NCKIPSD: variants seen among roughly 807,000 people sequenced by gnomAD.
The protein encoded by NCKIPSD is NCK-interacting protein with SH3 domain.
In NCKIPSD, 48 loss-of-function variants were observed where a neutral mutation model predicts 73.4. The ratio of observed to expected loss-of-function variants is 0.65; its 90% CI spans 0.52 to 0.83. NCKIPSD has a LOEUF of 0.83. NCKIPSD is among the 40% of genes least tolerant of loss of function. The pLI, the probability that NCKIPSD is intolerant of heterozygous loss-of-function variation, is 0.00. For synonymous variants in NCKIPSD, 422 were observed against 403.6 expected (o/e 1.05, Z -0.54); for missense variants, 884 against 970.2 (o/e 0.91, Z 1.18).
chr3:48,678,952 T>C lies in NCKIPSD; in HGVS notation c.1717A>G (p.Ile573Val). 1 of 1,614,028 alleles carries C rather than the reference T, an allele frequency of 6.2e-7. No individual in the cohort carries two copies. Among genetic ancestry groups the C allele is most frequent in the South Asian group, 1.1e-5 (1 of 91,072 alleles). Reference sequence around the variant, plus strand: ...GCGTGTTTGCTCAGGGCAGCCATGATGACATTCTGGTCAGCAGCTAAGGAA... The same window carrying C: ...GCGTGTTTGCTCAGGGCAGCCATGACGACATTCTGGTCAGCAGCTAAGGAA... The part of the protein sequence containing the change: ...LHLPAADQNV[I>V]MAALSKHANV... Residue 573 changes from isoleucine (I) to valine (V), a missense_variant, in exon 11 of 13, where the codon ATC becomes GTC. Physicochemically the swap from Ile to Val is conservative, Grantham distance 29 (BLOSUM62 3). Transcript: ENST00000294129.
chr3:48,683,781 C>T (rs1448374626), intron 1 of NCKIPSD, among the ~76,000 whole-genome samples: 1 of 152,060 alleles, frequency 6.6e-6, no homozygotes, highest in Non-Finnish European at 1.5e-5. Context: ...TACCCCCAGC[C>T]CTCCCCTGGC....
At chr3:48,676,712 T>C (rs921862017) in intron 12 of NCKIPSD, among the ~76,000 whole-genome samples, 26 of 152,118 alleles carry the variant, frequency 1.7e-4, no homozygotes, top group Non-Finnish European at 2.6e-4. Context: ...AGGCTGATCT[T>C]GAACTCATGG....
chr3:48,678,798 G>C, intron 11 of NCKIPSD, 62 bp from the exon 12 acceptor site: 1 of 1,612,468 alleles, frequency 6.2e-7, no homozygotes, highest in South Asian at 1.1e-5. Flanking sequence ...GTCACCCCAG[G>C]GGGTTACGGG....
intron 1 of NCKIPSD, among the ~76,000 whole-genome samples, chr3:48,685,328 T>A (rs2077420465): frequency 6.6e-6 from 1 of 151,768 alleles, no homozygotes; most frequent in Non-Finnish European, 1.5e-5. Context: ...GGGCTCAGGG[T>A]CGCCATTCAG....
At position 48,683,153 on chromosome 3, in the gene NCKIPSD, C is replaced by G. The variant is rs978915310; in HGVS notation, c.172-141G>C. The G allele has an allele frequency of 1.5e-5, 22 of 1,450,140 alleles. No individual in the cohort carries two copies. In the Admixed American group the frequency reaches 4.2e-4, roughly 28 times the overall value. The allele number at this position is 1,450,140 out of a possible 1,614,324, so 89.8% of individuals were successfully genotyped here. On this transcript the variant is annotated intron_variant, in intron 1 of 12. Coordinates refer to ENST00000294129, the MANE Select transcript of NCKIPSD (RefSeq NM_016453.4). ...CTAGACATAGCACAAAAAGTTGAAC[C>G]AGAATATGGAATGGGGTTCTCAAAC...
At chr3:48,683,991 C>G (rs2077395990) in intron 1 of NCKIPSD, among the ~76,000 whole-genome samples, 1 of 146,926 alleles carries the variant, frequency 6.8e-6, no homozygotes, top group Non-Finnish European at 1.5e-5. Context: ...CACACACACA[C>G]ACACACACAC....
At position 48,678,908 on chromosome 3, in the gene NCKIPSD, G is replaced by C. The variant is rs751859455; in HGVS notation, c.1761C>G (p.Ser587=). 5 of 1,613,850 alleles carry C rather than the reference G, an allele frequency of 3.1e-6. No homozygotes were observed. Among genetic ancestry groups the C allele is most frequent in the Non-Finnish European group, 4.2e-6 (5 of 1,180,010 alleles). The change falls in exon 11 of 13, where the codon TCC becomes TCG. Residue 587 remains serine (S), a synonymous_variant. Coordinates refer to ENST00000294129, the MANE Select transcript of NCKIPSD (RefSeq NM_016453.4). ...LSKHANVKIF[S]EKLLLLLNRG... is the part of the protein sequence containing the mutation. ...TGTTCAGGAGCAACAACAGCTTCTC[G>C]GAGAAGATCTTGACATTGGCGTGTT... is the stretch of plus-strand genomic sequence containing the variant.
chr3:48,679,185 T>C lies in NCKIPSD; in HGVS notation c.1571-2A>G. 6.2e-7 allele frequency: 1 copy of C among 1,613,930 alleles called. No individual in the cohort carries two copies. Among genetic ancestry groups the C allele is most frequent in the Non-Finnish European group, 8.5e-7 (1 of 1,179,938 alleles). On this transcript the variant is annotated splice_acceptor_variant, in intron 9 of 12. Coordinates refer to ENST00000294129, the MANE Select transcript of NCKIPSD (RefSeq NM_016453.4). LOFTEE classifies it high-confidence loss of function. ...GGGCGAAAGGCGTGCCCAGGTGCTC[T>C]GGGAGAGGGGCGCACAGAAGTCTGC... is the stretch of plus-strand genomic sequence containing the variant.
chr3:48,675,779 C>G (rs1432483947), intron 12 of NCKIPSD, among the ~76,000 whole-genome samples: 1 of 151,896 alleles, frequency 6.6e-6, no homozygotes, highest in Non-Finnish European at 1.5e-5. Flanking sequence ...CTCCAGACTT[C>G]AAGTGATCCA....
At position 48,682,455 on chromosome 3, in the gene NCKIPSD, C is replaced by G; in HGVS notation, c.379G>C (p.Asp127His). The change falls in exon 3 of 13, where the codon GAT becomes CAT. Residue 127 changes from aspartate (D) to histidine (H), a missense_variant. Physicochemically the swap from Asp to His is moderately conservative, Grantham distance 81 (BLOSUM62 -1). Coordinates refer to ENST00000294129, the MANE Select transcript of NCKIPSD (RefSeq NM_016453.4). ...TTGGGCTGCCTGGCTGCAGCAGCAT[C>G]CAAGTGGTGGTCACTGGTTGATGAG... is the stretch of plus-strand genomic sequence containing the variant. ...MTSSTSDHHLDAAAARQPNGV... is the reference protein window; with the variant it reads ...MTSSTSDHHLHAAAARQPNGV... The G allele has an allele frequency of 6.2e-7, 1 of 1,614,164 alleles. No homozygotes were observed. The highest frequency in any genetic ancestry group is 8.5e-7 in the Non-Finnish European group (1 of 1,180,014).
intron 8 of NCKIPSD, 37 bp from the exon 9 acceptor site, chr3:48,679,494 G>C (rs767997697): frequency 1.2e-6 from 2 of 1,606,758 alleles, no homozygotes; most frequent in Non-Finnish European, 1.7e-6. Context: ...AGTCCCCAAA[G>C]ATGGCAGGAA....
At chr3:48,681,943 C>T in intron 4 of NCKIPSD, 102 bp downstream of exon 4, 1 of 1,489,164 alleles carries the variant, frequency 6.7e-7, no homozygotes, top group South Asian at 1.2e-5. Flanking sequence ...GGAGTCCTGT[C>T]CTCTTCCCCA....
intron 9 of NCKIPSD, 96 bp downstream of exon 9, chr3:48,679,281 T>C (rs2077307575): frequency 6.2e-7 from 1 of 1,608,200 alleles, no homozygotes; most frequent in Non-Finnish European, 8.5e-7. Flanking sequence ...GGATAGCCTC[T>C]CCCTGCTAGG....
chr3:48,682,772 G>A, intron 2 of NCKIPSD, 131 bp downstream of exon 2: 1 of 1,347,824 alleles, frequency 7.4e-7, no homozygotes, highest in Admixed American at 2.1e-5. Flanking sequence ...TGCTCACTGG[G>A]AGGTGCCATT....
chr3:48,675,508 TC>T (rs1575559950), intron 12 of NCKIPSD, among the ~76,000 whole-genome samples: 3 of 110,192 alleles, frequency 2.7e-5, no homozygotes, highest in South Asian at 5.5e-4. Context: ...TATATATATA[TC>T]ATATATATAT....
intron 1 of NCKIPSD, among the ~76,000 whole-genome samples, 192 bp downstream of exon 1, chr3:48,685,445 G>GGTCTTTT (rs1405986424): frequency 6.6e-6 from 1 of 152,076 alleles, no homozygotes; most frequent in Admixed American, 6.5e-5. Flanking sequence ...GTCTTTTGTG[G>GGTCTTTT]GTGATGCTGA....
Position 48,680,089 on chromosome 3 carries a change from G to A in NCKIPSD, c.1233C>T (p.Arg411=), listed in dbSNP as rs1311314805. 2.5e-6 allele frequency: 4 copies of A among 1,613,594 alleles called. No individual in the cohort carries two copies. The highest frequency in any genetic ancestry group is 3.4e-6 in the Non-Finnish European group (4 of 1,179,726). ...WALYEDEGVI[R]CYLEELLHIL... ...TATGCAGCAGCTCCTCTAGGTAGCA[G>A]CGGATGACACCCTCATCCTCATATA... Residue 411 remains arginine (R), a synonymous_variant, in exon 6 of 13, where the codon CGC becomes CGT. Transcript: ENST00000294129.
intron 12 of NCKIPSD, among the ~76,000 whole-genome samples, chr3:48,675,515 TATATATATATATG>T (rs1340908018): frequency 1.2e-5 from 1 of 85,572 alleles, no homozygotes; most frequent in Non-Finnish European, 2.2e-5. Flanking sequence ...ATATCATATA[TATATATATATATG>T]ATATATATAT....
chr3:48,684,120 C>G (rs919248083), intron 1 of NCKIPSD, among the ~76,000 whole-genome samples: 5 of 152,056 alleles, frequency 3.3e-5, no homozygotes, highest in Non-Finnish European at 7.4e-5. Flanking sequence ...GAGCCAAAGC[C>G]AGAGTGTGGG....
Sources: allele counts gnomAD v4.1 joint callset (sites outside exome capture counted in the v4.1 genomes callset), GRCh38; gene constraint gnomAD v4.1.1; transcripts MANE v1.5; gene names NCBI Gene and HGNC (gene_info 2026-07-23, HGNC 2026-07-21).